Variants in CUX2 observed in about 807,000 individuals in gnomAD.
CUX2 encodes the protein homeobox protein cut-like 2.
A neutral mutation model predicts 144.8 loss-of-function variants in CUX2; 40 were observed. The observed-to-expected ratio is 0.28, with a 90% CI of 0.21 to 0.36. The LOEUF (loss-of-function observed/expected upper bound fraction) is 0.36. Among genes scored for constraint, CUX2 ranks in the 10% least tolerant of loss-of-function variants. CUX2 has a pLI of 1.00. For missense variants in CUX2, 1,615 were observed against 1,994.0 expected (o/e 0.81, Z 3.62); for synonymous variants, 827 against 875.6 (o/e 0.94, Z 0.98).
chr12:111,054,218 C>T (rs1039774354), intron 1 of CUX2, among the ~76,000 whole-genome samples: 14 of 152,180 alleles, frequency 9.2e-5, no homozygotes, highest in Non-Finnish European at 1.5e-4. Context: ...TGAGAGCTGG[C>T]GTCCCCGGGC....
In CUX2 at chr12:111,347,591, G is replaced by C; in HGVS notation, c.3727G>C (p.Gly1243Arg). ...QDEPDLDPSGGPGILPPGHSH... is the reference protein window; with the variant it reads ...QDEPDLDPSGRPGILPPGHSH... Reference sequence around the variant, plus strand: ...TGAGCCAGACCTTGATCCAAGCGGGGGTCCTGGAATCCTACCGCCAGGCCA... The same window carrying C: ...TGAGCCAGACCTTGATCCAAGCGGGCGTCCTGGAATCCTACCGCCAGGCCA... Residue 1243 changes from glycine (G) to arginine (R), a missense_variant, in exon 22 of 22, where the codon GGT becomes CGT. Gly to Arg is a moderately radical substitution (Grantham distance 125, BLOSUM62 -2). Transcript: ENST00000261726. 1 of 1,613,454 alleles carries C rather than the reference G, an allele frequency of 6.2e-7. No individual in the cohort carries two copies. The highest frequency in any genetic ancestry group is 1.1e-5 in the South Asian group (1 of 91,032).
chr12:111,139,287 C>T (rs1239661294), intron 1 of CUX2, among the ~76,000 whole-genome samples: 1 of 151,956 alleles, frequency 6.6e-6, no homozygotes, highest in Non-Finnish European at 1.5e-5. Context: ...CCTGCTGGCC[C>T]GAGTGGTCCA....
chr12:111,192,851 G>A (rs1036737032), intron 1 of CUX2, among the ~76,000 whole-genome samples: 8 of 152,238 alleles, frequency 5.3e-5, no homozygotes, highest in African/African-American at 1.9e-4. Context: ...TATCCAAGGT[G>A]TGATGACATC....
In CUX2 at chr12:111,320,548, C is replaced by G. The variant is rs761941379; in HGVS notation, c.2539C>G (p.Pro847Ala). The G allele has an allele frequency of 3.2e-6, 5 of 1,543,352 alleles. No individual in the cohort carries two copies. In the South Asian group the frequency reaches 5.9e-5, roughly 18 times the overall value. Residue 847 changes from proline (P) to alanine (A), a missense_variant, in exon 17 of 22, where the codon CCC (proline) becomes GCC (alanine). Physicochemically the swap from Pro to Ala is conservative, Grantham distance 27 (BLOSUM62 -1). Coordinates refer to ENST00000261726, the MANE Select transcript of CUX2 (RefSeq NM_015267.4). This position sits in a 1 kb window ranked among gnomAD's most constrained non-coding sequence, Gnocchi z 8.1. ...GGCGGCAGGGGCGGAGGACGAACCC[C>G]CCAGGACGGGCGAGCTCAAGGCTGA... ...EAAAGAEDEP[P>A]RTGELKAEGA...
intron 3 of CUX2, among the ~76,000 whole-genome samples, chr12:111,241,336 T>C (rs976211539): frequency 2.0e-5 from 3 of 152,144 alleles, no homozygotes; most frequent in Admixed American, 6.6e-5. Flanking sequence ...TACTGCTGCA[T>C]TGGGGATCAA....
intron 4 of CUX2, among the ~76,000 whole-genome samples, chr12:111,282,859 T>C (rs1885185109): frequency 6.6e-6 from 1 of 152,028 alleles, no homozygotes; most frequent in Non-Finnish European, 1.5e-5. Context: ...TTTAAATTAA[T>C]GTCCGCACCT....
chr12:111,091,731 G>A (rs1057272309), intron 1 of CUX2, among the ~76,000 whole-genome samples: 2 of 152,214 alleles, frequency 1.3e-5, no homozygotes, highest in African/African-American at 4.8e-5. Context: ...GCAGGGCTGT[G>A]CTCCCTCTCC....
intron 4 of CUX2, among the ~76,000 whole-genome samples, chr12:111,273,000 G>A (rs1056600356): frequency 9.2e-5 from 14 of 152,282 alleles, no homozygotes; most frequent in Middle Eastern, 3.4e-3. Flanking sequence ...GAGCCGTGGC[G>A]TCTCATTAGC....
chr12:111,122,364 AAATC>A (rs1325103029), intron 1 of CUX2, among the ~76,000 whole-genome samples: 1 of 152,212 alleles, frequency 6.6e-6, no homozygotes, highest in Non-Finnish European at 1.5e-5. Context: ...TTATAGAAGA[AAATC>A]AAGTCAACAC....
intron 1 of CUX2, among the ~76,000 whole-genome samples, chr12:111,209,899 G>A (rs1052366869): frequency 1.1e-4 from 16 of 152,224 alleles, no homozygotes; most frequent in Admixed American, 3.3e-4. Context: ...TTGCAAATGG[G>A]CTGTTTATGA....
At chr12:111,138,463 G>T (rs1258958549) in intron 1 of CUX2, among the ~76,000 whole-genome samples, 1 of 152,092 alleles carries the variant, frequency 6.6e-6, no homozygotes, top group East Asian at 1.9e-4. Context: ...CAGCTCCATG[G>T]TAAGTGGCAG....
rs1481263920 is a variant in CUX2 at position 111,126,300 on chromosome 12, G to A, written c.64-87900G>A. Reference sequence around the variant, plus strand: ...ATTTTTATATTTTCAGTAGAGACGGGGTTTCACCATGTTGGCCAGTCTGGT... The same window carrying A: ...ATTTTTATATTTTCAGTAGAGACGGAGTTTCACCATGTTGGCCAGTCTGGT... On this transcript the variant is annotated intron_variant, in intron 1 of 21. Coordinates refer to ENST00000261726, the MANE Select transcript of CUX2 (RefSeq NM_015267.4). Among the ~76,000 whole-genome samples the A allele has an allele frequency of 3.9e-5, 6 of 152,070 alleles. 1 individual carries two copies. Among genetic ancestry groups the A allele is most frequent in the Admixed American group, 3.9e-4 (6 of 15,260 alleles).
intron 1 of CUX2, among the ~76,000 whole-genome samples, chr12:111,119,855 C>T (rs1012285357): frequency 1.3e-5 from 2 of 152,106 alleles, no homozygotes; most frequent in Non-Finnish European, 2.9e-5. Flanking sequence ...GTCAGGAGTT[C>T]GAGACCAGCC....
At chr12:111,053,695 G>A (rs1419041640) in intron 1 of CUX2, among the ~76,000 whole-genome samples, 4 of 152,304 alleles carry the variant, frequency 2.6e-5, no homozygotes, top group Non-Finnish European at 2.9e-5. Flanking sequence ...GGTCTCACTT[G>A]GACATCCCTG....
rs1869886329 is a variant in CUX2, at chr12:111,044,148, C to A, written c.63+9908C>A. Among the ~76,000 whole-genome samples the A allele has an allele frequency of 2.6e-5, 4 of 152,336 alleles. No homozygotes were observed. The South Asian group carries it at 8.3e-4, about 32-fold the overall frequency. On this transcript the variant is annotated intron_variant, in intron 1 of 21. Coordinates refer to ENST00000261726, the MANE Select transcript of CUX2 (RefSeq NM_015267.4). ...GGTGCAGGTGTTGACCCTTACAAAT[C>A]TCTTTGCCATATGACCCTGCCTTCA...
At chr12:111,154,477 G>A (rs573242870) in intron 1 of CUX2, among the ~76,000 whole-genome samples, 9 of 152,192 alleles carry the variant, frequency 5.9e-5, no homozygotes, top group African/African-American at 1.4e-4. Flanking sequence ...AAGGCCAGCC[G>A]GGCCACCTTT....
chr12:111,199,190 G>C (rs78111269), intron 1 of CUX2, among the ~76,000 whole-genome samples: 1 of 152,082 alleles, frequency 6.6e-6, no homozygotes, highest in Non-Finnish European at 1.5e-5. Context: ...GCTGGGATTC[G>C]TTCAACATCA....
rs539555582 is a variant in CUX2 at position 111,327,102 on chromosome 12, G to A, written c.2926+4522G>A. Among the ~76,000 whole-genome samples, 8 of 152,158 alleles carry A rather than the reference G, an allele frequency of 5.3e-5. No individual in the cohort carries two copies. The South Asian group carries it at 1.7e-3, about 32-fold the overall frequency. ...TCATTGCCCATCCTCCTTCCCCCCA[G>A]CTCCTGGAATTCCGCTTTCTTTCTG... On this transcript the variant is annotated intron_variant, in intron 18 of 21. Transcript: ENST00000261726.
intron 18 of CUX2, among the ~76,000 whole-genome samples, chr12:111,333,855 G>C (rs185793007): frequency 1.3e-5 from 2 of 148,860 alleles, no homozygotes; most frequent in Non-Finnish European, 3.0e-5. Flanking sequence ...AGTCCAACCA[G>C]GTCTCTGTAC....
Sources: gnomAD v4.1 joint callset for allele counts (sites outside exome capture counted in the v4.1 genomes callset) on GRCh38, gnomAD v4.1.1 for gene constraint, Gnocchi (gnomAD v3.1) non-coding constraint, MANE v1.5 for transcripts, NCBI Gene and HGNC (gene_info 2026-07-23, HGNC 2026-07-21) for gene names.